The following SLIT3 variants were observed in gnomAD, a reference collection of about 807,000 sequenced individuals.
The protein encoded by SLIT3 is slit homolog 3 protein.
In SLIT3, 68 loss-of-function variants were observed where a neutral mutation model predicts 184.0. The observed-to-expected ratio is 0.37, with a 90% CI of 0.30 to 0.45. SLIT3 has a LOEUF of 0.45. Among genes scored for constraint, SLIT3 ranks in the 20% least tolerant of loss-of-function variants. The pLI is 1.00. For missense variants in SLIT3, 1,707 were observed against 2,026.0 expected (o/e 0.84, Z 3.02); for synonymous variants, 831 against 828.6 (o/e 1.00, Z -0.05).
At chr5:168,795,400 G>A in intron 10 of SLIT3, 107 bp downstream of exon 10, 1 of 832,808 alleles carries the variant, frequency 1.2e-6, no homozygotes, top group Non-Finnish European at 2.1e-6. Context: ...GAACTGCCCA[G>A]GAGGAATGGA....
At chr5:169,060,242 T>C (rs1758134468) in intron 4 of SLIT3, among the ~76,000 whole-genome samples, 1 of 152,084 alleles carries the variant, frequency 6.6e-6, no homozygotes, top group Non-Finnish European at 1.5e-5. Flanking sequence ...ATACAAAGAT[T>C]AGCTGGGTGT....
At chr5:169,028,177 C>A (rs556762352) in intron 4 of SLIT3, among the ~76,000 whole-genome samples, 6 of 152,170 alleles carry the variant, frequency 3.9e-5, no homozygotes, top group Admixed American at 3.3e-4. Flanking sequence ...TTGTGACCAC[C>A]TCTGATGCAC....
At chr5:168,669,665 C>G (rs1761173722) in intron 35 of SLIT3, 118 bp downstream of exon 35, 1 of 780,150 alleles carries the variant, frequency 1.3e-6, no homozygotes, top group Non-Finnish European at 2.1e-6. Context: ...CAGAAAGTGA[C>G]TGAACCAAGG....
intron 6 of SLIT3, among the ~76,000 whole-genome samples, chr5:168,825,826 C>T (rs1490812831): frequency 1.3e-5 from 2 of 152,188 alleles, no homozygotes; most frequent in Non-Finnish European, 2.9e-5. Context: ...GGCTATGCTT[C>T]TCTCCCCTTC....
At chr5:168,767,222 G>A (rs942532101) in intron 14 of SLIT3, among the ~76,000 whole-genome samples, 24 of 152,258 alleles carry the variant, frequency 1.6e-4, no homozygotes, top group African/African-American at 4.6e-4. Context: ...TCAGATAGAC[G>A]AGGTAATAAG....
intron 4 of SLIT3, among the ~76,000 whole-genome samples, chr5:169,041,650 G>A (rs1401842888): frequency 1.3e-5 from 2 of 152,170 alleles, no homozygotes; most frequent in Non-Finnish European, 2.9e-5. Flanking sequence ...ATAATGAAAT[G>A]TTGGGAAAGA....
At chr5:168,723,382 A>G (rs1763007990) in intron 21 of SLIT3, among the ~76,000 whole-genome samples, 1 of 136,264 alleles carries the variant, frequency 7.3e-6, no homozygotes, top group South Asian at 2.6e-4. Flanking sequence ...TCATCCACCC[A>G]CTCATTCATC....
chr5:169,170,398 A>G (rs1036517804), intron 4 of SLIT3, among the ~76,000 whole-genome samples: 5 of 152,174 alleles, frequency 3.3e-5, no homozygotes, highest in African/African-American at 7.2e-5. Flanking sequence ...CCTCCTGAGG[A>G]GCGAGGAAGA....
At chr5:169,161,366 C>T (rs993206484) in intron 4 of SLIT3, among the ~76,000 whole-genome samples, 2 of 152,222 alleles carry the variant, frequency 1.3e-5, no homozygotes, top group East Asian at 3.9e-4. Flanking sequence ...CCACCCTGTC[C>T]ATCACTGCCC....
chr5:168,895,239 A>G (rs776326083), intron 4 of SLIT3, among the ~76,000 whole-genome samples: 3 of 152,162 alleles, frequency 2.0e-5, no homozygotes, highest in Non-Finnish European at 2.9e-5. Context: ...TCTTTGTGAT[A>G]TGGCACTAGA....
At chr5:168,846,755 A>G (rs1758488277) in intron 5 of SLIT3, among the ~76,000 whole-genome samples, 1 of 152,206 alleles carries the variant, frequency 6.6e-6, no homozygotes, top group Non-Finnish European at 1.5e-5. Context: ...GGTCCTTGCT[A>G]TTAGTATATT....
In SLIT3 at chr5:168,834,843, G is replaced by A. The variant is rs371636489; in HGVS notation, c.557+9741C>T. On this transcript the variant is annotated intron_variant, in intron 6 of 35. Transcript: ENST00000519560. ...GCTGGAGAGATTTGGAGCAGGACAG[G>A]GAAGCAGACCTGGTGGGAGCTATGG... 5.3e-5 allele frequency among the ~76,000 whole-genome samples: 8 copies of A among 152,148 alleles called. 1 individual carries two copies. The East Asian group carries it at 1.5e-3, about 29-fold the overall frequency.
chr5:168,822,440 T>C (rs1344290934), intron 7 of SLIT3, among the ~76,000 whole-genome samples: 2 of 152,196 alleles, frequency 1.3e-5, no homozygotes, highest in Non-Finnish European at 2.9e-5. Flanking sequence ...CCTTGGGAGC[T>C]GGCTCTCCCT....
intron 4 of SLIT3, among the ~76,000 whole-genome samples, chr5:168,970,221 C>T (rs138236010): frequency 6.6e-6 from 1 of 151,618 alleles, no homozygotes; most frequent in Non-Finnish European, 1.5e-5. Flanking sequence ...CAAGGCCAGG[C>T]GTGGTGGCTG....
At chr5:169,222,849 C>T (rs1764655995) in intron 3 of SLIT3, among the ~76,000 whole-genome samples, 1 of 152,188 alleles carries the variant, frequency 6.6e-6, no homozygotes, top group African/African-American at 2.4e-5. Flanking sequence ...CACCAGGAGC[C>T]ATGGTGAAAT....
At chr5:169,280,033 A>G (rs1333866260) in intron 1 of SLIT3, among the ~76,000 whole-genome samples, 2 of 152,222 alleles carry the variant, frequency 1.3e-5, no homozygotes, top group Non-Finnish European at 2.9e-5. Flanking sequence ...AGACTCGGAG[A>G]TTTGCCCAGG....
At chr5:169,230,287 T>G (rs547413864) in intron 3 of SLIT3, among the ~76,000 whole-genome samples, 19 of 151,906 alleles carry the variant, frequency 1.3e-4, no homozygotes, top group African/African-American at 4.6e-4. Context: ...ATGAGAAGAT[T>G]TATCCAGATT....
intron 20 of SLIT3, among the ~76,000 whole-genome samples, chr5:168,743,385 A>T (rs180885032): frequency 1.7e-4 from 26 of 152,274 alleles, no homozygotes; most frequent in Non-Finnish European, 1.3e-4. Flanking sequence ...CATTATTATA[A>T]TACTTTTATG....
chr5:168,979,813 T>C (rs1022518200), intron 4 of SLIT3, among the ~76,000 whole-genome samples: 3 of 152,190 alleles, frequency 2.0e-5, no homozygotes, highest in Non-Finnish European at 4.4e-5. Flanking sequence ...TAACCACATA[T>C]AGCTTGCCTG....
Sources: gnomAD v4.1 joint callset for allele counts (sites outside exome capture counted in the v4.1 genomes callset) on GRCh38, gnomAD v4.1.1 for gene constraint, MANE v1.5 for transcripts, NCBI Gene and HGNC (gene_info 2026-07-23, HGNC 2026-07-21) for gene names.